The following RIMBP2 variants were observed in gnomAD, a reference collection of about 807,000 sequenced individuals.
The protein encoded by RIMBP2 is RIMS binding protein 2.
Under a neutral mutation model 118.6 loss-of-function variants are expected in RIMBP2, and 48 were observed. That is an observed-to-expected ratio of 0.40 (90% CI 0.32 to 0.51). The LOEUF (loss-of-function observed/expected upper bound fraction) is 0.51. Among genes scored for constraint, RIMBP2 ranks in the 20% least tolerant of loss-of-function variants. The probability of loss-of-function intolerance (pLI) is 0.41; values close to 1 mark genes in which losing one functional copy is unlikely to be tolerated. For missense variants in RIMBP2, 1,551 were observed against 1,768.3 expected (o/e 0.88, Z 2.20); for synonymous variants, 762 against 742.9 (o/e 1.03, Z -0.42).
rs2061239745 is a variant in RIMBP2, at chr12:130,620,501, G to A, written c.-217+7821C>T. The stretch of plus-strand genomic sequence containing the variant: ...CGCCGTGACAAAGTACGACAAGCCA[G>A]GAGGCTTGAAGAACAGGCATGCACG... On this transcript the variant is annotated intron_variant, in intron 2 of 22. Transcript: ENST00000690449. This position sits in a 1 kb window ranked among gnomAD's most constrained non-coding sequence, Gnocchi z 5.3. Among the ~76,000 whole-genome samples, 1 of 152,222 alleles carries A rather than the reference G, an allele frequency of 6.6e-6. No homozygotes were observed. Among genetic ancestry groups the A allele is most frequent in the Non-Finnish European group, 1.5e-5 (1 of 68,028 alleles).
intron 2 of RIMBP2, among the ~76,000 whole-genome samples, chr12:130,542,070 C>T (rs1348635973): frequency 6.7e-6 from 1 of 150,354 alleles, no homozygotes; most frequent in African/African-American, 2.4e-5. Flanking sequence ...AACTCACATC[C>T]TTATTGGGAA....
intron 2 of RIMBP2, among the ~76,000 whole-genome samples, chr12:130,531,601 C>T (rs1314012196): frequency 6.6e-6 from 1 of 152,156 alleles, no homozygotes; most frequent in Admixed American, 6.5e-5. Flanking sequence ...CAGTTTGAGA[C>T]CATTAAAAAT....
rs139621777 is a variant in RIMBP2, at chr12:130,534,840, G to A, written c.-216-16923C>T. Among the ~76,000 whole-genome samples the A allele has an allele frequency of 4.8e-3, 725 of 152,328 alleles. 1 individual carries two copies. Among genetic ancestry groups the A allele is most frequent in the African/African-American group, 0.017 (693 of 41,578 alleles). On this transcript the variant is annotated intron_variant, in intron 2 of 22. Coordinates refer to ENST00000690449, the MANE Select transcript of RIMBP2 (RefSeq NM_001393629.1). ...AAGATCATCCATGGTGGTTAGGATT[G>A]GCACAAAGAGGAGAGTGTCTATCTG...
Position 130,442,593 on chromosome 12 carries a change from C to T in RIMBP2, c.759G>A (p.Glu253=), listed in dbSNP as rs141494162. The T allele has an allele frequency of 5.0e-4, 802 of 1,614,220 alleles. 3 individuals are homozygous for T. The African/African-American group carries it at 7.5e-3, about 15-fold the overall frequency. The change falls in exon 11 of 23, where the codon GAG becomes GAA. Residue 253 remains glutamate, a synonymous_variant. Transcript: ENST00000690449. The surrounding 1 kb of genome is among the most constrained non-coding windows in gnomAD (Gnocchi z 6.9). ...TCCCCAGCGTGCTTGCCAACCGCGACTCGTTGTCCTGCACAAAGTCCACGA... is the reference window on the plus strand; with the variant it reads ...TCCCCAGCGTGCTTGCCAACCGCGATTCGTTGTCCTGCACAAAGTCCACGA... ...SNFVDFVQDN[E]SRLASTLGNE...
intron 2 of RIMBP2, among the ~76,000 whole-genome samples, chr12:130,577,611 A>G (rs1282017561): frequency 1.3e-5 from 2 of 152,172 alleles, no homozygotes; most frequent in African/African-American, 4.8e-5. Flanking sequence ...GTCGCCTCCC[A>G]CCAGGTCCCT....
chr12:130,552,237 A>G (rs1204430298), intron 2 of RIMBP2, among the ~76,000 whole-genome samples: 1 of 152,230 alleles, frequency 6.6e-6, no homozygotes, highest in Admixed American at 6.5e-5. Flanking sequence ...GGTCAGCCAG[A>G]GTAGGGGGTA....
intron 4 of RIMBP2, among the ~76,000 whole-genome samples, chr12:130,501,057 C>T (rs560600972): frequency 1.3e-5 from 2 of 152,336 alleles, no homozygotes; most frequent in East Asian, 3.9e-4. Context: ...CTGAACCGCA[C>T]ATCCCCAGGC....
chr12:130,455,533 C>A (rs114007254), intron 7 of RIMBP2, among the ~76,000 whole-genome samples: 3 of 152,360 alleles, frequency 2.0e-5, no homozygotes, highest in Non-Finnish European at 4.4e-5. Context: ...CCACTTACCC[C>A]ACCCGGCATT....
In RIMBP2 at chr12:130,438,477, C is replaced by T. The variant is rs1268667855; in HGVS notation, c.1544G>A (p.Gly515Glu). The T allele has an allele frequency of 6.2e-7, 1 of 1,611,702 alleles. No homozygotes were observed. Among genetic ancestry groups the T allele is most frequent in the Non-Finnish European group, 8.5e-7 (1 of 1,179,076 alleles). ...GACCCGGATGGTGGCGGGGGTCACC[C>T]CAGCCTGGACGGTAACATCTTGTGG... ...APPQDVTVQA[G>E]VTPATIRVSW... is the part of the protein sequence containing the mutation. The change falls in exon 12 of 23, where the codon GGG (glycine) becomes GAG (glutamate). Residue 515 changes from glycine to glutamate, a missense_variant. Physicochemically the swap from Gly to Glu is moderately conservative, Grantham distance 98. Coordinates refer to ENST00000690449, the MANE Select transcript of RIMBP2 (RefSeq NM_001393629.1).
At chr12:130,560,535 C>G (rs1227965022) in intron 2 of RIMBP2, among the ~76,000 whole-genome samples, 1 of 152,192 alleles carries the variant, frequency 6.6e-6, no homozygotes, top group African/African-American at 2.4e-5. Context: ...TGCTCCCACT[C>G]CCATCCGCTT....
chr12:130,407,816 TCTC>T lies in RIMBP2; in HGVS notation c.3600_3602del (p.Arg1201del), dbSNP rs753388253. 68 of 1,613,760 alleles carry T rather than the reference TCTC, an allele frequency of 4.2e-5. No homozygotes were observed. The highest frequency in any genetic ancestry group is 3.0e-4 in the Admixed American group (18 of 60,010). On this transcript the variant is annotated inframe_deletion, in exon 20 of 23. Transcript: ENST00000690449. ...TCGATACCGAATGACGCCTGCCACT[TCTC>T]CTGCTTCTCTCTGTTCAGATCACAA...
intron 2 of RIMBP2, among the ~76,000 whole-genome samples, chr12:130,579,704 C>A (rs1156805101): frequency 6.6e-6 from 1 of 152,052 alleles, no homozygotes; most frequent in East Asian, 1.9e-4. Flanking sequence ...CCTTATCTGT[C>A]CTGTGTACTA....
At chr12:130,537,471 C>T (rs2054179296) in intron 2 of RIMBP2, among the ~76,000 whole-genome samples, 1 of 152,186 alleles carries the variant, frequency 6.6e-6, no homozygotes, top group African/African-American at 2.4e-5. Flanking sequence ...CCAGAACCCC[C>T]ACATGTTTGC....
intron 2 of RIMBP2, among the ~76,000 whole-genome samples, chr12:130,568,410 C>T (rs914721927): frequency 6.6e-6 from 1 of 152,226 alleles, no homozygotes; most frequent in African/African-American, 2.4e-5. Flanking sequence ...AGTGGTAACC[C>T]TAAGTCAGCT....
chr12:130,460,321 G>T (rs2079864680), intron 6 of RIMBP2, among the ~76,000 whole-genome samples: 1 of 152,200 alleles, frequency 6.6e-6, no homozygotes, highest in East Asian at 1.9e-4. Context: ...CAGCAAAGCG[G>T]CGCTCGCAGG....
chr12:130,671,277 G>T (rs796302707), intron 1 of RIMBP2, among the ~76,000 whole-genome samples: 1 of 152,136 alleles, frequency 6.6e-6, no homozygotes, highest in African/African-American at 2.4e-5. Flanking sequence ...AGTCCCCCTT[G>T]TTTACGCCAC....
At chr12:130,583,994 C>G (rs1051861365) in intron 2 of RIMBP2, among the ~76,000 whole-genome samples, 1 of 150,780 alleles carries the variant, frequency 6.6e-6, no homozygotes, top group African/African-American at 2.4e-5. Flanking sequence ...ACCGTCACCA[C>G]CATTACATCA....
chr12:130,465,567 C>G (rs1380525228), intron 6 of RIMBP2: 1 of 152,302 alleles, frequency 6.6e-6, no homozygotes, highest in Non-Finnish European at 1.5e-5. Flanking sequence ...GGGCCATGCC[C>G]TGGCACTTGG....
chr12:130,694,290 A>T (rs888073462), intron 1 of RIMBP2, among the ~76,000 whole-genome samples: 1 of 152,102 alleles, frequency 6.6e-6, no homozygotes, highest in Non-Finnish European at 1.5e-5. Context: ...TTGAACATCA[A>T]CTCAGCACTT....
Sources: gnomAD v4.1 joint callset for allele counts (sites outside exome capture counted in the v4.1 genomes callset) on GRCh38, gnomAD v4.1.1 for gene constraint, Gnocchi (gnomAD v3.1) non-coding constraint, MANE v1.5 for transcripts, NCBI Gene and HGNC (gene_info 2026-07-23, HGNC 2026-07-21) for gene names.